FSIP1: variants seen among roughly 807,000 people sequenced by gnomAD.
FSIP1 encodes fibrous sheath-interacting protein 1.
Under a neutral mutation model 60.9 loss-of-function variants are expected in FSIP1, and 65 were observed. That is an observed-to-expected ratio of 1.07 (90% CI 0.87 to 1.31). The LOEUF is 1.31. Ranked by LOEUF, FSIP1 falls within the 40% of genes most tolerant of loss-of-function variation. The pLI is 0.00. For missense variants in FSIP1, 675 were observed against 665.5 expected, an observed-to-expected ratio of 1.01 and a Z score of -0.16; for synonymous variants, 209 against 221.2, an observed-to-expected ratio of 0.94 and a Z score of 0.49.
rs573824744 is a variant in FSIP1 at position 39,666,802 on chromosome 15, C to T, written c.1188+46642G>A. ...AAGCAAGTACTTTGCTCCTTCACAG[C>T]AGGATGCAGATTCCTTTTTCTAAGC... On this transcript the variant is annotated intron_variant, in intron 10 of 11. Coordinates refer to ENST00000350221, the MANE Select transcript of FSIP1 (RefSeq NM_152597.5). Among the ~76,000 whole-genome samples, 5 of 152,328 alleles carry T rather than the reference C, an allele frequency of 3.3e-5. No homozygotes were observed. The South Asian group carries it at 1.0e-3, about 32-fold the overall frequency.
chr15:39,667,057 C>T lies in FSIP1; in HGVS notation c.1188+46387G>A, dbSNP rs565067966. Among the ~76,000 whole-genome samples, 21 of 152,242 alleles carry T rather than the reference C, an allele frequency of 1.4e-4. No homozygotes were observed. In the South Asian group the frequency reaches 4.4e-3, roughly 32 times the overall value. ...GACAGTGGGCGCTGTGAAAAGATGG[C>T]CTAGTGGTTCAAGGAAAAACCATTG... is the stretch of plus-strand genomic sequence containing the variant. On this transcript the variant is annotated intron_variant, in intron 10 of 11. Transcript: ENST00000350221.
At chr15:39,688,614 T>C (rs534240760) in intron 10 of FSIP1, among the ~76,000 whole-genome samples, 189 of 152,294 alleles carry the variant, frequency 1.2e-3, no homozygotes, top group African/African-American at 4.4e-3. Context: ...AGCCACAAAC[T>C]TTTAAAACTG....
At chr15:39,777,675 T>C (rs559894639) in intron 1 of FSIP1, among the ~76,000 whole-genome samples, 1 of 152,358 alleles carries the variant, frequency 6.6e-6, no homozygotes. Flanking sequence ...GCAACACGCA[T>C]GCTGAGTCAA....
chr15:39,643,003 T>A (rs1892439971), intron 10 of FSIP1, among the ~76,000 whole-genome samples: 1 of 152,228 alleles, frequency 6.6e-6, no homozygotes, highest in South Asian at 2.1e-4. Context: ...ACTTCATTAT[T>A]AGGTGGTAGC....
intron 10 of FSIP1, among the ~76,000 whole-genome samples, chr15:39,686,400 A>C (rs1373676445): frequency 6.6e-6 from 1 of 152,254 alleles, no homozygotes; most frequent in African/African-American, 2.4e-5. Context: ...TCTACATCTA[A>C]GGCTTTGGTG....
chr15:39,691,561 T>C (rs1216313881), intron 10 of FSIP1, among the ~76,000 whole-genome samples: 1 of 152,210 alleles, frequency 6.6e-6, no homozygotes, highest in African/African-American at 2.4e-5. Context: ...AGAAGTTAGG[T>C]TCCGGGATGA....
rs1273214090 is a variant in FSIP1 at position 39,600,207 on chromosome 15, G to A, written c.*673C>T. On this transcript the variant is annotated 3_prime_UTR_variant, in exon 12 of 12. Coordinates refer to ENST00000350221, the MANE Select transcript of FSIP1 (RefSeq NM_152597.5). ...TAACTAAACCATCTCTCTTCAAATA[G>A]TACCGCAGACTGTCTTTTAAAGTAG... The A allele has an allele frequency of 6.6e-6, 1 of 152,142 alleles. No homozygotes were observed. The highest frequency in any genetic ancestry group is 2.1e-4 in the South Asian group (1 of 4,828). The allele number at this position is 152,142 out of a possible 1,614,324, so 9.4% of individuals were successfully genotyped here.
At chr15:39,639,345 C>A (rs1008570547) in intron 10 of FSIP1, among the ~76,000 whole-genome samples, 1 of 152,096 alleles carries the variant, frequency 6.6e-6, no homozygotes, top group Non-Finnish European at 1.5e-5. Context: ...TTTAACATGG[C>A]TCTTGTAGGT....
intron 8 of FSIP1, among the ~76,000 whole-genome samples, chr15:39,728,008 C>A (rs1366894641): frequency 6.6e-6 from 1 of 152,006 alleles, no homozygotes; most frequent in Non-Finnish European, 1.5e-5. Context: ...AAGCTGAGAG[C>A]CAAATCAAGA....
In FSIP1 at chr15:39,713,511, T is replaced by C. The variant is rs16969673; in HGVS notation, c.1121A>G (p.Glu374Gly). The stretch of plus-strand genomic sequence containing the variant: ...CAGCCGATTATGCAGATCGCGTTGC[T>C]CTTTGGTGTTCCTAAGTATCTTTTC... Reference protein sequence around the residue: ...PGEKILRNTKEQRDLHNRLRE... With the variant: ...PGEKILRNTKGQRDLHNRLRE... Residue 374 changes from glutamate to glycine, a missense_variant, in exon 10 of 12, where the codon GAG becomes GGG. Physicochemically the swap from Glu to Gly is moderately conservative, Grantham distance 98 (BLOSUM62 -2). Transcript: ENST00000350221. 9.9e-4 allele frequency: 1,596 copies of C among 1,611,872 alleles called. 15 individuals are homozygous for C. The African/African-American group carries it at 0.019, about 19-fold the overall frequency.
chr15:39,617,815 T>C lies in FSIP1; in HGVS notation c.1619A>G (p.Asp540Gly). The C allele has an allele frequency of 6.2e-7, 1 of 1,614,002 alleles. No homozygotes were observed. The highest frequency in any genetic ancestry group is 8.5e-7 in the Non-Finnish European group (1 of 1,179,872). Residue 540 changes from aspartate to glycine, a missense_variant, in exon 11 of 12, where the codon GAT (aspartate) becomes GGT (glycine). Physicochemically the swap from Asp to Gly is moderately conservative, Grantham distance 94. Coordinates refer to ENST00000350221, the MANE Select transcript of FSIP1 (RefSeq NM_152597.5). ...GCTCACACTGATACCATACAGTGGA[T>C]CATCTAAGAAGGAGGGCCTTTTCAG... Reference protein sequence around the residue: ...GRLKRPSFLDDPLYGISVSLS... With the variant: ...GRLKRPSFLDGPLYGISVSLS...
chr15:39,745,906 C>T (rs1183543925), intron 5 of FSIP1, among the ~76,000 whole-genome samples: 1 of 151,952 alleles, frequency 6.6e-6, no homozygotes, highest in Non-Finnish European at 1.5e-5. Context: ...ATGGCAAGAC[C>T]CCATCTCTAC....
intron 11 of FSIP1, among the ~76,000 whole-genome samples, chr15:39,616,604 A>T (rs1288016989): frequency 6.6e-6 from 1 of 152,210 alleles, no homozygotes; most frequent in East Asian, 1.9e-4. Context: ...ATTAGACCAG[A>T]TTAGCTACAC....
chr15:39,770,754 A>C, intron 2 of FSIP1, 144 bp from the exon 3 acceptor site: 1 of 524,182 alleles, frequency 1.9e-6, no homozygotes, highest in Non-Finnish European at 3.3e-6. Context: ...TTCTAGAAAT[A>C]TAACACTCTA....
intron 10 of FSIP1, among the ~76,000 whole-genome samples, chr15:39,692,150 T>C (rs1894629063): frequency 6.6e-6 from 1 of 151,990 alleles, no homozygotes; most frequent in South Asian, 2.1e-4. Flanking sequence ...CAGTGTGAGG[T>C]GGAAGGAAAG....
intron 5 of FSIP1, among the ~76,000 whole-genome samples, chr15:39,747,664 T>C (rs2140662216): frequency 6.6e-6 from 1 of 152,260 alleles, no homozygotes; most frequent in Admixed American, 6.5e-5. Context: ...GTTACTATAT[T>C]TTTCCTTTAT....
chr15:39,732,337 C>G (rs1050015281), intron 8 of FSIP1, among the ~76,000 whole-genome samples: 5 of 152,040 alleles, frequency 3.3e-5, no homozygotes, highest in African/African-American at 1.2e-4. Context: ...TTATGCATGA[C>G]GGTTGGGCAT....
In FSIP1 at chr15:39,662,719, GAA is replaced by G. The variant is rs36116816; in HGVS notation, c.1189-44476_1189-44475del. 1.3e-3 allele frequency among the ~76,000 whole-genome samples: 198 copies of G among 147,218 alleles called. 1 individual carries two copies. Among genetic ancestry groups the G allele is most frequent in the Non-Finnish European group, 2.0e-3 (131 of 66,676 alleles). The stretch of plus-strand genomic sequence containing the variant: ...GTTAAGAAAAACCCACTAAGTCACT[GAA>G]AAAAAAAAAAAGACTATAATTAATG... On this transcript the variant is annotated intron_variant, in intron 10 of 11. Transcript: ENST00000350221.
At chr15:39,669,086 C>T (rs971467720) in intron 10 of FSIP1, among the ~76,000 whole-genome samples, 6 of 152,174 alleles carry the variant, frequency 3.9e-5, no homozygotes, top group African/African-American at 1.4e-4. Context: ...TTGTGCCCAG[C>T]TGTGGAGTGG....
Sources: allele counts gnomAD v4.1 joint callset (sites outside exome capture counted in the v4.1 genomes callset), GRCh38; gene constraint gnomAD v4.1.1; transcripts MANE v1.5; gene names NCBI Gene and HGNC (gene_info 2026-07-23, HGNC 2026-07-21).